The following B3GNT8 variants were observed in gnomAD, a reference collection of about 807,000 sequenced individuals.
The protein encoded by B3GNT8 is UDP-GlcNAc:betaGal beta-1,3-N-acetylglucosaminyltransferase 8.
For synonymous variants in B3GNT8, 258 were observed against 238.3 expected (o/e 1.08, Z -0.76); for missense variants, 502 against 530.5 (o/e 0.95, Z 0.53).
In B3GNT8 at chr19:41,426,338, G is replaced by A. The variant is rs2039434983; in HGVS notation, c.441C>T (p.Val147=). Residue 147 remains valine, a synonymous_variant, in exon 2 of 2, where the codon GTC becomes GTT. Transcript: ENST00000691102. The surrounding 1 kb of genome is among the most constrained non-coding windows in gnomAD (Gnocchi z 4.9). The part of the protein sequence containing the change: ...SQVSSCSDTD[V]PYLLLAVKSE... Reference sequence around the variant, plus strand: ...ACTTGACGGCCAACAGCAGGTAGGGGACATCAGTATCTGAGCAGCTGGAGA... The same window carrying A: ...ACTTGACGGCCAACAGCAGGTAGGGAACATCAGTATCTGAGCAGCTGGAGA... 1 of 1,613,362 alleles carries A rather than the reference G, an allele frequency of 6.2e-7. No individual in the cohort carries two copies. Among genetic ancestry groups the A allele is most frequent in the Non-Finnish European group, 8.5e-7 (1 of 1,180,022 alleles).
rs2122155419 is a variant in B3GNT8 at position 41,425,773 on chromosome 19, A to G, written c.1006T>C (p.Tyr336His). The G allele has an allele frequency of 6.2e-6, 10 of 1,612,064 alleles. No individual in the cohort carries two copies. The highest frequency in any genetic ancestry group is 8.5e-6 in the Non-Finnish European group (10 of 1,179,368). Reference sequence around the variant, plus strand: ...AGGGCTCGGATGCAAAGGCCAGTGTAGACGTCCTCAAAGGGGAAGGGTGCC... The same window carrying G: ...AGGGCTCGGATGCAAAGGCCAGTGTGGACGTCCTCAAAGGGGAAGGGTGCC... ...RVAPFPFEDV[Y>H]TGLCIRALGL... is the part of the protein sequence containing the mutation. Residue 336 changes from tyrosine (Y) to histidine (H), a missense_variant, in exon 2 of 2, where the codon TAC (tyrosine) becomes CAC (histidine). Coordinates refer to ENST00000691102, the MANE Select transcript of B3GNT8 (RefSeq NM_001385648.2).
rs368726896 is a variant in B3GNT8, at chr19:41,426,754, A to T, written c.25T>A (p.Cys9Ser). ...AGGAGTGTGAGCAGTGCTGACAGGC[A>T]GAGAAGGCACTTGGGGCAGCGCATG... is the stretch of plus-strand genomic sequence containing the variant. MRCPKCLL[C>S]LSALLTLLGL... Residue 9 changes from cysteine (C) to serine (S), a missense_variant, in exon 2 of 2, where the codon TGC becomes AGC. Physicochemically the swap from Cys to Ser is moderately radical, Grantham distance 112. Coordinates refer to ENST00000691102, the MANE Select transcript of B3GNT8 (RefSeq NM_001385648.2). The surrounding 1 kb of genome is among the most constrained non-coding windows in gnomAD (Gnocchi z 4.9). 44 of 1,612,644 alleles carry T rather than the reference A, an allele frequency of 2.7e-5. No homozygotes were observed. The highest frequency in any genetic ancestry group is 3.3e-4 in the Middle Eastern group (2 of 6,084).
At position 41,425,431 on chromosome 19, in the gene B3GNT8, C is replaced by G; in HGVS notation, c.*154G>C. ...CAGTCCACCACCCCATCTTTCCTGC[C>G]CAGGCCCCTGGCTGGGGGAGGCCAA... On this transcript the variant is annotated 3_prime_UTR_variant, in exon 2 of 2. Transcript: ENST00000691102. 1.9e-6 allele frequency: 1 copy of G among 533,060 alleles called. No homozygotes were observed. Among genetic ancestry groups the G allele is most frequent in the Middle Eastern group, 5.4e-4 (1 of 1,838 alleles). 33.0% of individuals were successfully genotyped at this position (533,060 alleles called of 1,614,324 possible).
chr19:41,425,581 A>G lies in B3GNT8; in HGVS notation c.*4T>C. 6.7e-7 allele frequency: 1 copy of G among 1,482,758 alleles called. No individual in the cohort carries two copies. Among genetic ancestry groups the G allele is most frequent in the Non-Finnish European group, 9.0e-7 (1 of 1,114,960 alleles). 91.9% of individuals were successfully genotyped at this position (1,482,758 alleles called of 1,614,324 possible). ...GTCAGCACCTCCGCCCTCCCCAATG[A>G]GAGTCAGCACTGGAGCCTTGGGTCT... On this transcript the variant is annotated 3_prime_UTR_variant, in exon 2 of 2. Coordinates refer to ENST00000691102, the MANE Select transcript of B3GNT8 (RefSeq NM_001385648.2).
Position 41,426,462 on chromosome 19 carries a change from G to T in B3GNT8, c.317C>A (p.Pro106His). The change falls in exon 2 of 2, where the codon CCT becomes CAT. Residue 106 changes from proline to histidine, a missense_variant. By Grantham distance (77) the Pro-to-His change is moderately conservative. Transcript: ENST00000691102. This position sits in a 1 kb window ranked among gnomAD's most constrained non-coding sequence, Gnocchi z 4.9. ...GTCCTTGGGGTAGGAGGCGAAGTCAGGGATCTCGGTGGCGGCGGCGGCCCC... is the reference window on the plus strand; with the variant it reads ...GTCCTTGGGGTAGGAGGCGAAGTCATGGATCTCGGTGGCGGCGGCGGCCCC... ...AWGAAAATEI[P>H]DFASYPKDLR... is the part of the protein sequence containing the mutation. The T allele has an allele frequency of 6.2e-7, 1 of 1,606,946 alleles. No homozygotes were observed.
Position 41,426,456 on chromosome 19 carries a change from A to G in B3GNT8, c.323T>C (p.Phe108Ser). The G allele has an allele frequency of 6.2e-7, 1 of 1,607,122 alleles. No individual in the cohort carries two copies. Among genetic ancestry groups the G allele is most frequent in the Non-Finnish European group, 8.5e-7 (1 of 1,177,646 alleles). The change falls in exon 2 of 2, where the codon TTC (phenylalanine) becomes TCC (serine). Residue 108 changes from phenylalanine (F) to serine (S), a missense_variant. Physicochemically the swap from Phe to Ser is radical, Grantham distance 155 (BLOSUM62 -2). Coordinates refer to ENST00000691102, the MANE Select transcript of B3GNT8 (RefSeq NM_001385648.2). This position sits in a 1 kb window ranked among gnomAD's most constrained non-coding sequence, Gnocchi z 4.9. ...GCGGAGGTCCTTGGGGTAGGAGGCG[A>G]AGTCAGGGATCTCGGTGGCGGCGGC... ...GAAAATEIPD[F>S]ASYPKDLRRF... is the part of the protein sequence containing the mutation.
chr19:41,426,224 C>T lies in B3GNT8; in HGVS notation c.555G>A (p.Gly185=), dbSNP rs2039433153. ...APGIRLLFLL[G]SPVGEAGPDL... is the part of the protein sequence containing the mutation. ...CAGGCCCCGCCTCACCCACCGGAGA[C>T]CCTAGCAGGAAGAGCAGCCGGATCC... Residue 185 remains glycine (G), a synonymous_variant, in exon 2 of 2, where the codon GGG becomes GGA. Coordinates refer to ENST00000691102, the MANE Select transcript of B3GNT8 (RefSeq NM_001385648.2). The surrounding 1 kb of genome is among the most constrained non-coding windows in gnomAD (Gnocchi z 4.9). The T allele has an allele frequency of 1.9e-6, 3 of 1,613,652 alleles. No homozygotes were observed. The highest frequency in any genetic ancestry group is 2.5e-6 in the Non-Finnish European group (3 of 1,179,928).
chr19:41,426,625 G>C lies in B3GNT8; in HGVS notation c.154C>G (p.Pro52Ala). 2 of 1,612,864 alleles carry C rather than the reference G, an allele frequency of 1.2e-6. No homozygotes were observed. The highest frequency in any genetic ancestry group is 1.7e-6 in the Non-Finnish European group (2 of 1,179,512). Residue 52 changes from proline (P) to alanine (A), a missense_variant, in exon 2 of 2, where the codon CCC (proline) becomes GCC (alanine). By Grantham distance (27) the Pro-to-Ala change is conservative. Coordinates refer to ENST00000691102, the MANE Select transcript of B3GNT8 (RefSeq NM_001385648.2). The surrounding 1 kb of genome is among the most constrained non-coding windows in gnomAD (Gnocchi z 4.9). Reference protein sequence around the residue: ...PPSPTPANPEPTLPANLSTRL... With the variant: ...PPSPTPANPEATLPANLSTRL... ...GTGGAGAGGTTGGCAGGTAGGGTGG[G>C]CTCAGGGTTGGCTGGCGTGGGGCTT...
Position 41,425,923 on chromosome 19 carries a change from G to C in B3GNT8, c.856C>G (p.Pro286Ala). ...TCGGGCACATAGAAGGGTCCTCCTG[G>C]CTTCCGGAGAGGCATGGCCTGGGTA... Reference protein sequence around the residue: ...VFTQAMPLRKPGGPFYVPESF... With the variant: ...VFTQAMPLRKAGGPFYVPESF... Residue 286 changes from proline (P) to alanine (A), a missense_variant, in exon 2 of 2, where the codon CCA becomes GCA. Physicochemically the swap from Pro to Ala is conservative, Grantham distance 27. Transcript: ENST00000691102. 2 of 1,613,254 alleles carry C rather than the reference G, an allele frequency of 1.2e-6. No individual in the cohort carries two copies. The highest frequency in any genetic ancestry group is 8.5e-7 in the Non-Finnish European group (1 of 1,180,008).
chr19:41,425,830 C>T lies in B3GNT8; in HGVS notation c.949G>A (p.Ala317Thr), dbSNP rs1326413046. ...GCTGCCGCCCGCAGCAGCCAGGGTG[C>T]CAGGCGCCCGGCAATGACGTAGCCA... ...GGGYVIAGRL[A>T]PWLLRAAARV... The change falls in exon 2 of 2, where the codon GCA becomes ACA. Residue 317 changes from alanine (A) to threonine (T), a missense_variant. Transcript: ENST00000691102. 1 of 1,613,014 alleles carries T rather than the reference C, an allele frequency of 6.2e-7. No individual in the cohort carries two copies. Among genetic ancestry groups the T allele is most frequent in the Admixed American group, 1.7e-5 (1 of 60,018 alleles).
chr19:41,425,445 G>C lies in B3GNT8; in HGVS notation c.*140C>G, dbSNP rs528704322. On this transcript the variant is annotated 3_prime_UTR_variant, in exon 2 of 2. Transcript: ENST00000691102. ...ATCTTTCCTGCCCAGGCCCCTGGCT[G>C]GGGGAGGCCAAGGAGTGGCTTAAGT... 9 of 598,688 alleles carry C rather than the reference G, an allele frequency of 1.5e-5. No homozygotes were observed. The highest frequency in any genetic ancestry group is 1.2e-4 in the Admixed American group (3 of 26,024). 37.1% of individuals were successfully genotyped at this position (598,688 alleles called of 1,614,324 possible). A position where few individuals can be genotyped will look rare whatever the true frequency, so the allele number is the denominator to read the frequency against.
Position 41,426,461 on chromosome 19 carries a change from AG to A in B3GNT8, c.317del (p.Pro106LeufsTer62). The A allele has an allele frequency of 6.2e-7, 1 of 1,606,784 alleles. No homozygotes were observed. Among genetic ancestry groups the A allele is most frequent in the Non-Finnish European group, 8.5e-7 (1 of 1,177,276 alleles). ...GGTCCTTGGGGTAGGAGGCGAAGTC[AG>A]GGATCTCGGTGGCGGCGGCGGCCCC... ...AWGAAAATEI[P>X]DFASYPKDLR... is the part of the protein sequence containing the mutation. On this transcript the variant is annotated frameshift_variant, in exon 2 of 2. Transcript: ENST00000691102. LOFTEE classifies it low-confidence loss of function (END_TRUNC). This position sits in a 1 kb window ranked among gnomAD's most constrained non-coding sequence, Gnocchi z 4.9.
Position 41,425,549 on chromosome 19 carries a change from A to AGGCCAGGGCTGG in B3GNT8, c.*35_*36insCCAGCCCTGGCC, listed in dbSNP as rs61117695. 5.0e-6 allele frequency: 7 copies of AGGCCAGGGCTGG among 1,404,304 alleles called. No individual in the cohort carries two copies. The highest frequency in any genetic ancestry group is 3.8e-5 in the South Asian group (2 of 53,026). 87.0% of individuals were successfully genotyped at this position (1,404,304 alleles called of 1,614,324 possible). On this transcript the variant is annotated 3_prime_UTR_variant, in exon 2 of 2. Transcript: ENST00000691102. ...AGCCAGGGGCCGGCCCCAGAGGCCC[A>AGGCCAGGGCTGG]GGCCAGGTCAGCACCTCCGCCCTCC...
chr19:41,425,570 C>T lies in B3GNT8; in HGVS notation c.*15G>A. The T allele has an allele frequency of 1.3e-6, 2 of 1,483,690 alleles. No individual in the cohort carries two copies. The highest frequency in any genetic ancestry group is 1.8e-6 in the Non-Finnish European group (2 of 1,115,478). 91.9% of individuals were successfully genotyped at this position (1,483,690 alleles called of 1,614,324 possible). A position where few individuals can be genotyped will look rare whatever the true frequency, so the allele number is the denominator to read the frequency against. On this transcript the variant is annotated 3_prime_UTR_variant, in exon 2 of 2. Coordinates refer to ENST00000691102, the MANE Select transcript of B3GNT8 (RefSeq NM_001385648.2). ...GCCCAGGCCAGGTCAGCACCTCCGCCCTCCCCAATGAGAGTCAGCACTGGA... is the reference window on the plus strand; with the variant it reads ...GCCCAGGCCAGGTCAGCACCTCCGCTCTCCCCAATGAGAGTCAGCACTGGA...
rs935219826 is a variant in B3GNT8, at chr19:41,427,016, C to T, written c.-32-206G>A. 6.6e-6 allele frequency among the ~76,000 whole-genome samples: 1 copy of T among 152,066 alleles called. No individual in the cohort carries two copies. The highest frequency in any genetic ancestry group is 2.4e-5 in the African/African-American group (1 of 41,390). On this transcript the variant is annotated intron_variant, in intron 1 of 1. Transcript: ENST00000691102. This position sits in a 1 kb window ranked among gnomAD's most constrained non-coding sequence, Gnocchi z 5.6. Reference sequence around the variant, plus strand: ...GGTCCTTATTCCTAGACCTAGGAGTCCCCCATTCCAATCCCGTACCAGCAC... The same window carrying T: ...GGTCCTTATTCCTAGACCTAGGAGTTCCCCATTCCAATCCCGTACCAGCAC...
At position 41,426,173 on chromosome 19, in the gene B3GNT8, C is replaced by G; in HGVS notation, c.606G>C (p.Glu202Asp). The G allele has an allele frequency of 6.2e-7, 1 of 1,613,864 alleles. No homozygotes were observed. The highest frequency in any genetic ancestry group is 8.5e-7 in the Non-Finnish European group (1 of 1,179,908). The change falls in exon 2 of 2, where the codon GAG becomes GAC. Residue 202 changes from glutamate (E) to aspartate (D), a missense_variant. Physicochemically the swap from Glu to Asp is conservative, Grantham distance 45. Transcript: ENST00000691102. The surrounding 1 kb of genome is among the most constrained non-coding windows in gnomAD (Gnocchi z 4.9). The stretch of plus-strand genomic sequence containing the variant: ...GCAGCAGGTCACTGTAGCGACGGCT[C>G]TCCCAGGCCACTAGTGAGTCTAGGT... ...GPDLDSLVAWESRRYSDLLLW... is the reference protein window; with the variant it reads ...GPDLDSLVAWDSRRYSDLLLW...
Position 41,426,450 on chromosome 19 carries a change from G to A in B3GNT8, c.329C>T (p.Ser110Phe). ...GAAGCGGCGGAGGTCCTTGGGGTAG[G>A]AGGCGAAGTCAGGGATCTCGGTGGC... ...AAATEIPDFASYPKDLRRFLL... is the reference protein window; with the variant it reads ...AAATEIPDFAFYPKDLRRFLL... Residue 110 changes from serine (S) to phenylalanine (F), a missense_variant, in exon 2 of 2, where the codon TCC (serine) becomes TTC (phenylalanine). Transcript: ENST00000691102. This position sits in a 1 kb window ranked among gnomAD's most constrained non-coding sequence, Gnocchi z 4.9. 2 of 1,608,656 alleles carry A rather than the reference G, an allele frequency of 1.2e-6. No individual in the cohort carries two copies. Among genetic ancestry groups the A allele is most frequent in the Admixed American group, 3.3e-5 (2 of 59,954 alleles).
At position 41,425,860 on chromosome 19, in the gene B3GNT8, C is replaced by T. The variant is rs201722688; in HGVS notation, c.919G>A (p.Gly307Arg). Residue 307 changes from glycine (G) to arginine (R), a missense_variant, in exon 2 of 2, where the codon GGG becomes AGG. By Grantham distance (125) the Gly-to-Arg change is moderately radical (BLOSUM62 -2). Transcript: ENST00000691102. ...CGCCCGGCAATGACGTAGCCACCCC[C>T]GCTTGCATAGGCTGGGTAGCCACCT... ...FEGGYPAYASGGGYVIAGRLA... is the reference protein window; with the variant it reads ...FEGGYPAYASRGGYVIAGRLA... 23 of 1,613,208 alleles carry T rather than the reference C, an allele frequency of 1.4e-5. No individual in the cohort carries two copies. The highest frequency in any genetic ancestry group is 2.2e-5 in the East Asian group (1 of 44,870).
chr19:41,425,803 GGGCT>G lies in B3GNT8; in HGVS notation c.972_975del (p.Ala325ValfsTer82). ...TCCTCAAAGGGGAAGGGTGCCACAC[GGGCT>G]GCCGCCCGCAGCAGCCAGGGTGCCA... is the stretch of plus-strand genomic sequence containing the variant. On this transcript the variant is annotated frameshift_variant, in exon 2 of 2. Transcript: ENST00000691102. LOFTEE classifies it low-confidence loss of function (END_TRUNC). The G allele has an allele frequency of 6.2e-7, 1 of 1,612,766 alleles. No individual in the cohort carries two copies. The highest frequency in any genetic ancestry group is 1.1e-5 in the South Asian group (1 of 91,054).
Sources: gnomAD v4.1 joint callset for allele counts (sites outside exome capture counted in the v4.1 genomes callset) on GRCh38, gnomAD v4.1.1 for gene constraint, Gnocchi (gnomAD v3.1) non-coding constraint, MANE v1.5 for transcripts, NCBI Gene and HGNC (gene_info 2026-07-23, HGNC 2026-07-21) for gene names.